RP1: variants seen among roughly 807,000 people sequenced by gnomAD.
RP1 encodes RP1 axonemal microtubule associated, also known as oxygen-regulated protein 1.
In RP1, 16 loss-of-function variants were observed where a neutral mutation model predicts 14.8. The observed-to-expected ratio is 1.08, with a 90% CI of 0.73 to 1.65. RP1 has a LOEUF of 1.65. Ranked by LOEUF, RP1 falls within the 40% of genes most tolerant of loss-of-function variation. RP1 has a pLI of 0.00. For missense variants in RP1, 2,631 were observed against 2,535.0 expected, an observed-to-expected ratio of 1.04 and a Z score of -0.81; for synonymous variants, 876 against 883.6, an observed-to-expected ratio of 0.99 and a Z score of 0.15.
chr8:54,845,487 C>T lies in RP1; in HGVS notation c.3836-7087C>T, dbSNP rs555071725. Among the ~76,000 whole-genome samples, 175 of 152,258 alleles carry T rather than the reference C, an allele frequency of 1.1e-3. 2 individuals are homozygous for T. Among genetic ancestry groups the T allele is most frequent in the Admixed American group, 2.0e-3 (30 of 15,298 alleles). On this transcript the variant is annotated intron_variant, in intron 25 of 28. Transcript: ENST00000637698. ...TTAGGAGCAGGGAAACCAAGACGCC[C>T]GGTGCACGGATGAGTGGACTTCTGC...
At chr8:54,763,025 G>A (rs1809678636) in intron 22 of RP1, among the ~76,000 whole-genome samples, 1 of 152,030 alleles carries the variant, frequency 6.6e-6, no homozygotes, top group African/African-American at 2.4e-5. Flanking sequence ...TTCCAAACAA[G>A]GTCATGTTCT....
At chr8:54,746,201 A>AG (rs1308187472) in intron 19 of RP1, among the ~76,000 whole-genome samples, 3 of 152,208 alleles carry the variant, frequency 2.0e-5, no homozygotes, top group Non-Finnish European at 4.4e-5. Context: ...TTTCTAAACA[A>AG]GTGTTTGTTG....
At chr8:54,842,975 G>A (rs1213415606) in intron 25 of RP1, among the ~76,000 whole-genome samples, 1 of 152,108 alleles carries the variant, frequency 6.6e-6, no homozygotes, top group African/African-American at 2.4e-5. Context: ...CTGCTTTCCT[G>A]GCAACCTTCT....
intron 7 of RP1, among the ~76,000 whole-genome samples, chr8:54,665,783 A>G (rs1189088756): frequency 1.3e-5 from 2 of 152,204 alleles, no homozygotes; most frequent in African/African-American, 4.8e-5. Flanking sequence ...GCAGACACTC[A>G]GTAGACTACT....
At chr8:54,696,716 A>G in intron 12 of RP1, 1 of 716,008 alleles carries the variant, frequency 1.4e-6, no homozygotes. Context: ...GCAGAGAACC[A>G]CTTCAAGACT....
chr8:54,745,658 G>T (rs1342408887), intron 19 of RP1, among the ~76,000 whole-genome samples: 1 of 151,462 alleles, frequency 6.6e-6, no homozygotes, highest in Non-Finnish European at 1.5e-5. Context: ...ATGTGATAAA[G>T]GCACTGCTGT....
chr8:54,668,538 G>A (rs970717316), intron 7 of RP1, among the ~76,000 whole-genome samples: 2 of 152,036 alleles, frequency 1.3e-5, no homozygotes, highest in African/African-American at 4.8e-5. Flanking sequence ...TCAAGTTCAT[G>A]TGGAACCAAA....
At chr8:54,612,219 T>C (rs561425653), upstream of RP1, among the ~76,000 whole-genome samples, 8 of 152,294 alleles carry the variant, frequency 5.3e-5, no homozygotes, top group South Asian at 1.7e-3. Context: ...CCTACCTCTG[T>C]ATGCACCTCT....
intron 24 of RP1, among the ~76,000 whole-genome samples, chr8:54,790,271 A>G (rs189918693): frequency 4.9e-4 from 75 of 152,328 alleles, no homozygotes; most frequent in African/African-American, 1.8e-3. Flanking sequence ...CTTAACAGAA[A>G]GCATAACCTA....
At chr8:54,681,512 G>GTGTGTGTGTT (rs1563346186) in intron 12 of RP1, among the ~76,000 whole-genome samples, 76 of 145,198 alleles carry the variant, frequency 5.2e-4, no homozygotes, top group Middle Eastern at 3.4e-3. Context: ...GTGTGTGTGT[G>GTGTGTGTGTT]TGTGTGTGTG....
At chr8:54,817,355 T>C (rs570573964) in intron 24 of RP1, among the ~76,000 whole-genome samples, 6 of 151,922 alleles carry the variant, frequency 3.9e-5, no homozygotes, top group African/African-American at 1.5e-4. Context: ...TTGGAGGAGA[T>C]GGGATCAAGC....
exon 8 of RP1, chr8:54,673,855 C>T (rs1484542775): frequency 6.5e-7 from 1 of 1,535,630 alleles, no homozygotes; most frequent in Admixed American, 2.0e-5. Context: ...TATAGACTGA[C>T]ACCTTTTTCC....
At chr8:54,633,727 CTCTCTCTCTCTA>C (rs1215346160), downstream of RP1, among the ~76,000 whole-genome samples, 7 of 135,918 alleles carry the variant, frequency 5.2e-5, no homozygotes, top group African/African-American at 1.8e-4. Context: ...CTCTCTCTCT[CTCTCTCTCTCTA>C]TATATATATA....
At chr8:54,816,250 G>A (rs916000460) in intron 24 of RP1, among the ~76,000 whole-genome samples, 1 of 152,048 alleles carries the variant, frequency 6.6e-6, no homozygotes, top group Non-Finnish European at 1.5e-5. Context: ...TGCATAAAGG[G>A]GCAAAATTAA....
At chr8:54,598,749 G>A (rs758842172) in intron 1 of RP1, among the ~76,000 whole-genome samples, 20 of 152,168 alleles carry the variant, frequency 1.3e-4, no homozygotes, top group Non-Finnish European at 2.6e-4. Context: ...AACTGTGGTT[G>A]ACAGCTCTTT....
intron 25 of RP1, among the ~76,000 whole-genome samples, chr8:54,840,042 C>T (rs1805850725): frequency 6.6e-6 from 1 of 151,932 alleles, no homozygotes; most frequent in South Asian, 2.1e-4. Flanking sequence ...TGAAGGGGTC[C>T]TAAAAGATTT....
intron 1 of RP1, among the ~76,000 whole-genome samples, chr8:54,569,911 G>A (rs1325490776): frequency 6.6e-6 from 1 of 152,212 alleles, no homozygotes; most frequent in African/African-American, 2.4e-5. Context: ...TGTAGGAAAG[G>A]TTCCCTCTCA....
At chr8:54,699,201 C>G (rs1409711115) in intron 12 of RP1, among the ~76,000 whole-genome samples, 2 of 151,446 alleles carry the variant, frequency 1.3e-5, no homozygotes, top group Non-Finnish European at 2.9e-5. Context: ...ATACAACACA[C>G]AGACTAGGAA....
chr8:54,754,819 T>C lies in RP1; in HGVS notation c.2825T>C (p.Met942Thr), dbSNP rs755839730. The change falls in exon 20 of 23, where the codon ATG (methionine) becomes ACG (threonine). Residue 942 changes from methionine (M) to threonine (T), a missense_variant. By Grantham distance (81) the Met-to-Thr change is moderately conservative. Coordinates refer to the RP1 transcript ENST00000636932. ...TAATTCCAGGTGACCATGCAACATA[T>C]GAAAAGCAAGAAGATCCTAGATTTT... 15 of 1,522,568 alleles carry C rather than the reference T, an allele frequency of 9.9e-6. No individual in the cohort carries two copies. The African/African-American group carries it at 1.2e-4, about 13-fold the overall frequency. The allele number at this position is 1,522,568 out of a possible 1,614,324, so 94.3% of individuals were successfully genotyped here. A position where few individuals can be genotyped will look rare whatever the true frequency, so the allele number is the denominator to read the frequency against.
Sources: gnomAD v4.1 joint callset for allele counts (sites outside exome capture counted in the v4.1 genomes callset) on GRCh38, gnomAD v4.1.1 for gene constraint, MANE v1.5 for transcripts, NCBI Gene and HGNC (gene_info 2026-07-23, HGNC 2026-07-21) for gene names.